OLFM2: variants seen among roughly 807,000 people sequenced by gnomAD.
OLFM2 encodes olfactomedin 2.
A neutral mutation model predicts 43.9 loss-of-function variants in OLFM2; 20 were observed. The observed-to-expected ratio is 0.46, with a 90% confidence interval of 0.32 to 0.66. OLFM2 has a LOEUF of 0.66. Among genes scored for constraint, OLFM2 ranks in the 30% least tolerant of loss-of-function variants. The pLI, the probability that OLFM2 is intolerant of heterozygous loss-of-function variation, is 0.04. For missense variants in OLFM2, 416 were observed against 643.6 expected (o/e 0.65, Z 3.83); for synonymous variants, 268 against 278.6 (o/e 0.96, Z 0.38).
intron 1 of OLFM2, among the ~76,000 whole-genome samples, chr19:9,925,043 G>C (rs962523803): frequency 6.6e-6 from 1 of 152,062 alleles, no homozygotes; most frequent in Non-Finnish European, 1.5e-5. Flanking sequence ...CAGGCAGATC[G>C]TTTGAGCCCA....
chr19:9,870,389 A>C (rs2046432881), intron 1 of OLFM2, among the ~76,000 whole-genome samples: 1 of 152,126 alleles, frequency 6.6e-6, no homozygotes, highest in Admixed American at 6.5e-5. Context: ...CGAGGGAGAG[A>C]GGAGAGTGAG....
intron 1 of OLFM2, among the ~76,000 whole-genome samples, chr19:9,922,273 TAC>T (rs35308457): frequency 0.72 from 107,316 of 150,078 alleles, 38,689 homozygotes; most frequent in African/African-American, 0.86. Context: ...AAAATCTAGA[TAC>T]ACACACACAC....
In OLFM2 at chr19:9,857,503, A is replaced by G. The variant is rs749841107; in HGVS notation, c.361-21T>C. The G allele has an allele frequency of 4.3e-6, 7 of 1,611,682 alleles. No individual in the cohort carries two copies. Among genetic ancestry groups the G allele is most frequent in the Non-Finnish European group, 5.9e-6 (7 of 1,179,334 alleles). ...AGCTCCTGTGCATCAAGATGGAACC[A>G]TGGCCAAGCCTGACCCCTGGCCTTT... On this transcript the variant is annotated intron_variant, in intron 3 of 5. Coordinates refer to ENST00000264833, the MANE Select transcript of OLFM2 (RefSeq NM_058164.4). The surrounding 1 kb of genome is among the most constrained non-coding windows in gnomAD (Gnocchi z 5.7).
intron 1 of OLFM2, among the ~76,000 whole-genome samples, chr19:9,888,352 C>G (rs2046606599): frequency 6.6e-6 from 1 of 151,736 alleles, no homozygotes; most frequent in South Asian, 2.1e-4. Flanking sequence ...GTGAAACCCC[C>G]GTCTCTACTA....
At position 9,856,813 on chromosome 19, in the gene OLFM2, A is replaced by C. The variant is rs769684276; in HGVS notation, c.681T>G (p.Asp227Glu). 5 of 1,613,006 alleles carry C rather than the reference A, an allele frequency of 3.1e-6. No individual in the cohort carries two copies. The Admixed American group carries it at 5.0e-5, about 16-fold the overall frequency. The change falls in exon 5 of 6, where the codon GAT becomes GAG. Residue 227 changes from aspartate to glutamate, a missense_variant. By Grantham distance (45) the Asp-to-Glu change is conservative. Transcript: ENST00000264833. This position sits in a 1 kb window ranked among gnomAD's most constrained non-coding sequence, Gnocchi z 4.0. ...WMTDTMAPSA[D>E]SRVWYMDGYY... ...GGTGGGCGCAGTCACTCACCCGGCT[A>C]TCCGCACTGGGGGCCATCGTGTCAG...
chr19:9,934,762 A>T (rs2086505581), intron 1 of OLFM2, among the ~76,000 whole-genome samples: 2 of 152,072 alleles, frequency 1.3e-5, no homozygotes, highest in African/African-American at 4.8e-5. Context: ...GGGTGCTGAG[A>T]TGCGTGGGGA....
intron 1 of OLFM2, among the ~76,000 whole-genome samples, chr19:9,873,151 A>C (rs1276339555): frequency 1.3e-5 from 2 of 152,138 alleles, no homozygotes; most frequent in East Asian, 3.9e-4. Context: ...TGGGAGGACA[A>C]GAGTCACTTC....
chr19:9,862,902 C>A (rs191340821), intron 1 of OLFM2, among the ~76,000 whole-genome samples: 1 of 139,512 alleles, frequency 7.2e-6, no homozygotes, highest in Non-Finnish European at 1.5e-5. Context: ...TTGAACCTGG[C>A]GGGGTGGGGG....
In OLFM2 at chr19:9,933,552, CTTTTTT is replaced by C. The variant is rs34411076; in HGVS notation, c.63+2746_63+2751del. On this transcript the variant is annotated intron_variant, in intron 1 of 5. Transcript: ENST00000264833. ...CATGCCCGACTGCTATCACTCTAAT[CTTTTTT>C]TTTTTTTTTTTTTTTTGAGACAGAG... 5.1e-5 allele frequency among the ~76,000 whole-genome samples: 4 copies of C among 79,036 alleles called. No homozygotes were observed. In the South Asian group the frequency reaches 1.4e-3, roughly 27 times the overall value. 51.9% of individuals were successfully genotyped at this position (79,036 alleles called of 152,430 possible). A position where few individuals can be genotyped will look rare whatever the true frequency, so the allele number is the denominator to read the frequency against.
intron 1 of OLFM2, among the ~76,000 whole-genome samples, chr19:9,866,197 G>C (rs2145440132): frequency 6.6e-6 from 1 of 152,284 alleles, no homozygotes; most frequent in African/African-American, 2.4e-5. Flanking sequence ...AGCAGGCAGA[G>C]GTCCTGAGTT....
intron 2 of OLFM2, among the ~76,000 whole-genome samples, chr19:9,860,096 C>T (rs535065554): frequency 3.3e-5 from 5 of 150,680 alleles, no homozygotes; most frequent in South Asian, 2.1e-4. Context: ...GAGCTGAGAT[C>T]GCGCCACTGC....
Position 9,934,013 on chromosome 19 carries a change from G to A in OLFM2, c.63+2291C>T, listed in dbSNP as rs184555823. On this transcript the variant is annotated intron_variant, in intron 1 of 5. Transcript: ENST00000264833. ...AGGAGAGCAGGGATTTGATGACTCA[G>A]TTGGTGGCTGTATCCCCAGTGCATA... 3.4e-4 allele frequency among the ~76,000 whole-genome samples: 51 copies of A among 152,154 alleles called. 1 individual carries two copies. In the East Asian group the frequency reaches 7.8e-3, roughly 23 times the overall value.
At chr19:9,907,312 A>G (rs768264620) in intron 1 of OLFM2, among the ~76,000 whole-genome samples, 1 of 151,980 alleles carries the variant, frequency 6.6e-6, no homozygotes, top group Non-Finnish European at 1.5e-5. Context: ...AAAATTAGCT[A>G]GGCAGGGTGG....
intron 1 of OLFM2, among the ~76,000 whole-genome samples, chr19:9,870,692 T>C (rs767177918): frequency 1.4e-4 from 22 of 151,938 alleles, no homozygotes; most frequent in Non-Finnish European, 1.8e-4. Context: ...AGGCTAACTC[T>C]TCCCCATCCC....
intron 1 of OLFM2, among the ~76,000 whole-genome samples, chr19:9,863,533 G>A (rs1037630847): frequency 1.3e-5 from 2 of 151,952 alleles, no homozygotes; most frequent in Non-Finnish European, 2.9e-5. Context: ...CATTCTGACA[G>A]GCATGGAAGA....
intron 1 of OLFM2, among the ~76,000 whole-genome samples, chr19:9,885,297 A>G (rs1439193695): frequency 6.6e-6 from 1 of 152,116 alleles, no homozygotes. Context: ...TCCGGAAAAA[A>G]TCTCAGCTGT....
chr19:9,933,077 C>G (rs1396078032), intron 1 of OLFM2, among the ~76,000 whole-genome samples: 1 of 152,136 alleles, frequency 6.6e-6, no homozygotes, highest in Non-Finnish European at 1.5e-5. Context: ...GTTCTTACCC[C>G]AGGGCCTTTG....
At chr19:9,897,383 G>C (rs1018992712) in intron 1 of OLFM2, among the ~76,000 whole-genome samples, 23 of 151,630 alleles carry the variant, frequency 1.5e-4, no homozygotes, top group Admixed American at 7.2e-4. Context: ...TGTAGTCCCA[G>C]CTACTCAGGA....
intron 1 of OLFM2, among the ~76,000 whole-genome samples, chr19:9,873,466 T>A (rs1395236452): frequency 6.6e-6 from 1 of 151,876 alleles, no homozygotes; most frequent in African/African-American, 2.4e-5. Context: ...CATTTTTGGT[T>A]TTTTAAGAGA....
Sources: allele counts gnomAD v4.1 joint callset (sites outside exome capture counted in the v4.1 genomes callset), GRCh38; gene constraint gnomAD v4.1.1; non-coding constraint Gnocchi (gnomAD v3.1); transcripts MANE v1.5; gene names NCBI Gene and HGNC (gene_info 2026-07-23, HGNC 2026-07-21).